The following DHX15 variants were observed in gnomAD, a reference collection of about 807,000 sequenced individuals.
DHX15 encodes ATP-dependent RNA helicase DHX15.
Under a neutral mutation model 94.4 loss-of-function variants are expected in DHX15, and 11 were observed. The observed-to-expected ratio is 0.12, with a 90% confidence interval of 0.07 to 0.19. DHX15 has a LOEUF of 0.19. Among genes scored for constraint, DHX15 ranks in the 10% least tolerant of loss-of-function variants. DHX15 has a pLI of 1.00. For synonymous variants in DHX15, 338 were observed against 329.9 expected (o/e 1.02, Z -0.27); for missense variants, 304 against 988.5 (o/e 0.31, Z 9.29).
intron 6 of DHX15, among the ~76,000 whole-genome samples, chr4:24,547,781 T>C (rs1402344510): frequency 6.7e-6 from 1 of 148,454 alleles, no homozygotes. Flanking sequence ...TGAGACCCCA[T>C]GTTGTTTAAA....
intron 4 of DHX15, among the ~76,000 whole-genome samples, chr4:24,555,226 A>G (rs1721703401): frequency 6.6e-6 from 1 of 152,018 alleles, no homozygotes; most frequent in South Asian, 2.1e-4. Flanking sequence ...TCAGATTGCT[A>G]AAAGAAAACA....
chr4:24,527,937 T>C lies in DHX15; in HGVS notation c.2375A>G (p.Tyr792Cys). The C allele has an allele frequency of 1.2e-6, 2 of 1,611,610 alleles. No individual in the cohort carries two copies. The highest frequency in any genetic ancestry group is 1.7e-6 in the Non-Finnish European group (2 of 1,177,720). Residue 792 changes from tyrosine to cysteine, a missense_variant, in exon 14 of 14, where the codon TAT becomes TGT. By Grantham distance (194) the Tyr-to-Cys change is radical. Coordinates refer to ENST00000336812, the MANE Select transcript of DHX15 (RefSeq NM_001358.3). ...TAAGCACTGAATTCAGTACTGTGAA[T>C]ATTCCTTGGATTGAAGTTTGGCAAT... Reference protein sequence around the residue: ...RIIAKLQSKEYSQY With the variant: ...RIIAKLQSKECSQY
chr4:24,543,090 G>A (rs1721352004), intron 6 of DHX15, 64 bp from the exon 7 acceptor site: 2 of 1,137,512 alleles, frequency 1.8e-6, no homozygotes, highest in East Asian at 5.4e-5. Context: ...GACTGTTAAA[G>A]ATCAGCCACT....
chr4:24,529,613 A>G lies in DHX15; in HGVS notation c.2258T>C (p.Ile753Thr). The change falls in exon 13 of 14, where the codon ATC (isoleucine) becomes ACC (threonine). Residue 753 changes from isoleucine (I) to threonine (T), a missense_variant. Ile to Thr is a moderately conservative substitution (Grantham distance 89). Coordinates refer to ENST00000336812, the MANE Select transcript of DHX15 (RefSeq NM_001358.3). ...TKNYIRTCTD[I>T]KPEWLVKIAP... ...AAGGTGTACTTACCATTCTGGCTTGATATCTGTACATGTCCGGATGTAATT... is the reference window on the plus strand; with the variant it reads ...AAGGTGTACTTACCATTCTGGCTTGGTATCTGTACATGTCCGGATGTAATT... 1.2e-6 allele frequency: 2 copies of G among 1,614,126 alleles called. No homozygotes were observed. Among genetic ancestry groups the G allele is most frequent in the South Asian group, 1.1e-5 (1 of 91,056 alleles).
chr4:24,544,414 C>G (rs940633816), intron 6 of DHX15, among the ~76,000 whole-genome samples: 1 of 151,942 alleles, frequency 6.6e-6, no homozygotes, highest in Non-Finnish European at 1.5e-5. Context: ...AAGTCAAAAA[C>G]CAAAATGTTT....
chr4:24,574,603 G>C (rs1381897812), intron 2 of DHX15, among the ~76,000 whole-genome samples: 1 of 152,006 alleles, frequency 6.6e-6, no homozygotes, highest in Non-Finnish European at 1.5e-5. Context: ...AAAGACAAAA[G>C]GTACAAAGTT....
rs1479561229 is a variant in DHX15, at chr4:24,540,164, G to C, written c.1730C>G (p.Ala577Gly). 6.2e-7 allele frequency: 1 copy of C among 1,612,898 alleles called. No individual in the cohort carries two copies. The highest frequency in any genetic ancestry group is 8.5e-7 in the Non-Finnish European group (1 of 1,179,342). Residue 577 changes from alanine (A) to glycine (G), a missense_variant, in exon 10 of 14, where the codon GCA becomes GGA. Ala to Gly is a moderately conservative substitution (Grantham distance 60, BLOSUM62 0). Coordinates refer to ENST00000336812, the MANE Select transcript of DHX15 (RefSeq NM_001358.3). ...LDPQLAKMVI[A>G]SCDYNCSNEV... ...ATTAGAACAGTTGTAGTCACAACTT[G>C]CAATAACCATTTTTGCGAGCTGTGG... is the stretch of plus-strand genomic sequence containing the variant.
chr4:24,581,566 T>C (rs1401786340), intron 1 of DHX15, among the ~76,000 whole-genome samples: 1 of 152,214 alleles, frequency 6.6e-6, no homozygotes, highest in African/African-American at 2.4e-5. Context: ...AAACATTTCT[T>C]ATGTTCCCTG....
intron 12 of DHX15, among the ~76,000 whole-genome samples, chr4:24,532,396 T>C (rs1721104031): frequency 6.6e-6 from 1 of 152,216 alleles, no homozygotes; most frequent in African/African-American, 2.4e-5. Context: ...GTGCTTAGTT[T>C]TTAGATAAAG....
intron 13 of DHX15, among the ~76,000 whole-genome samples, chr4:24,529,262 C>A (rs935856994): frequency 6.6e-6 from 1 of 152,158 alleles, no homozygotes; most frequent in African/African-American, 2.4e-5. Context: ...TGGTCTTGAA[C>A]CCCTGGCTTC....
At chr4:24,577,275 A>C (rs1722289944) in intron 1 of DHX15, among the ~76,000 whole-genome samples, 1 of 152,244 alleles carries the variant, frequency 6.6e-6, no homozygotes, top group Non-Finnish European at 1.5e-5. Flanking sequence ...AAAAGAGCAT[A>C]GTACAATGTT....
chr4:24,571,372 T>C (rs1722119840), intron 2 of DHX15, among the ~76,000 whole-genome samples: 1 of 152,182 alleles, frequency 6.6e-6, no homozygotes, highest in Admixed American at 6.5e-5. Flanking sequence ...TGCACAATGG[T>C]AGCACCTTAG....
chr4:24,568,452 G>T (rs907389132), intron 3 of DHX15, among the ~76,000 whole-genome samples: 1 of 151,982 alleles, frequency 6.6e-6, no homozygotes, highest in East Asian at 1.9e-4. Flanking sequence ...GCTTTTACAA[G>T]TAGTTATAAC....
chr4:24,578,727 C>T (rs1473242936), intron 1 of DHX15, among the ~76,000 whole-genome samples: 1 of 151,994 alleles, frequency 6.6e-6, no homozygotes, highest in Non-Finnish European at 1.5e-5. Flanking sequence ...CACCACGCCT[C>T]GCTAATTTCT....
chr4:24,575,207 T>C (rs140350139), intron 2 of DHX15, among the ~76,000 whole-genome samples: 40 of 151,432 alleles, frequency 2.6e-4, no homozygotes, highest in African/African-American at 8.2e-4. Context: ...GCTCAGTCTA[T>C]AATAAAAGCT....
chr4:24,557,979 CAA>C (rs58623833), intron 3 of DHX15, among the ~76,000 whole-genome samples: 269 of 127,378 alleles, frequency 2.1e-3, no homozygotes, highest in Non-Finnish European at 2.1e-3. Context: ...ATTTGCAAGG[CAA>C]AAAAAAAAAA....
At chr4:24,532,210 G>A (rs1378604775) in intron 12 of DHX15, among the ~76,000 whole-genome samples, 2 of 152,052 alleles carry the variant, frequency 1.3e-5, no homozygotes, top group South Asian at 2.1e-4. Context: ...TCTTATAGCC[G>A]TTAACACAGC....
At chr4:24,554,158 C>T (rs1041682325) in intron 5 of DHX15, among the ~76,000 whole-genome samples, 1 of 152,030 alleles carries the variant, frequency 6.6e-6, no homozygotes, top group African/African-American at 2.4e-5. Context: ...GCGGAGCTTG[C>T]GGTGAGCCAA....
intron 7 of DHX15, among the ~76,000 whole-genome samples, chr4:24,542,350 A>C (rs1423681881): frequency 3.3e-5 from 5 of 152,180 alleles, no homozygotes; most frequent in Non-Finnish European, 7.4e-5. Flanking sequence ...TTCTGCCCGA[A>C]AAGAAACCTT....
Sources: gnomAD v4.1 joint callset for allele counts (sites outside exome capture counted in the v4.1 genomes callset) on GRCh38, gnomAD v4.1.1 for gene constraint, MANE v1.5 for transcripts, NCBI Gene and HGNC (gene_info 2026-07-23, HGNC 2026-07-21) for gene names.